IGF2R: variants seen among roughly 807,000 people sequenced by gnomAD.
IGF2R encodes the protein cation-independent mannose-6-phosphate receptor.
Under a neutral mutation model 270.6 loss-of-function variants are expected in IGF2R, and 91 were observed. The observed-to-expected ratio is 0.34, with a 90% CI of 0.28 to 0.40. The LOEUF is 0.40. Among genes scored for constraint, IGF2R ranks in the 10% least tolerant of loss-of-function variants. The probability of loss-of-function intolerance (pLI) is 1.00; values close to 1 mark genes in which losing one functional copy is unlikely to be tolerated. For missense variants in IGF2R, 2,805 were observed against 3,188.3 expected (o/e 0.88, Z 2.90); for synonymous variants, 1,316 against 1,258.9 (o/e 1.05, Z -0.96).
Position 160,033,090 on chromosome 6 carries a change from C to T in IGF2R, c.1194C>T (p.Tyr398=), listed in dbSNP as rs752971860. 39 of 1,612,566 alleles carry T rather than the reference C, an allele frequency of 2.4e-5. No homozygotes were observed. In the South Asian group the frequency reaches 4.3e-4, roughly 18 times the overall value. The change falls in exon 9 of 48, where the codon TAC becomes TAT. Residue 398 remains tyrosine, a synonymous_variant. Coordinates refer to ENST00000356956, the MANE Select transcript of IGF2R (RefSeq NM_000876.4). The part of the protein sequence containing the change: ...DTSQVKAAGR[Y]HNQTLRYSDG... ...CTCAAGTCAAAGCAGCAGGAAGATA[C>T]CACAATCAGACCCTCCGGTACGTCA...
chr6:160,079,935 C>T (rs1200009428), intron 38 of IGF2R, 148 bp downstream of exon 38: 10 of 985,976 alleles, frequency 1.0e-5, no homozygotes, highest in East Asian at 4.9e-5. Context: ...CCTCTGTACA[C>T]CCCCGGTGTG....
intron 43 of IGF2R, 80 bp from the exon 44 acceptor site, chr6:160,089,836 A>T (rs1779179871): frequency 1.0e-6 from 1 of 999,708 alleles, no homozygotes; most frequent in South Asian, 2.0e-5. Context: ...CCCTGCAGTG[A>T]TTCTGAGGAC....
At chr6:160,088,827 T>C (rs995147063) in intron 42 of IGF2R, among the ~76,000 whole-genome samples, 2 of 152,350 alleles carry the variant, frequency 1.3e-5, no homozygotes, top group South Asian at 2.1e-4. Flanking sequence ...ACATTACTGA[T>C]GTGTGCACCA....
At position 159,980,218 on chromosome 6, in the gene IGF2R, A is replaced by G. The variant is rs200380776; in HGVS notation, c.149+10823A>G. Among the ~76,000 whole-genome samples, 53 of 112,038 alleles carry G rather than the reference A, an allele frequency of 4.7e-4. 1 individual carries two copies. Among genetic ancestry groups the G allele is most frequent in the East Asian group, 3.8e-3 (6 of 1,562 alleles). 73.5% of individuals were successfully genotyped at this position (112,038 alleles called of 152,430 possible). The stretch of plus-strand genomic sequence containing the variant: ...AAGAAAGAAAGAAAGAAAGAAAGAA[A>G]GAAAGAAAGAAAGAAAGAAAGGTAC... On this transcript the variant is annotated intron_variant, in intron 1 of 47. Transcript: ENST00000356956.
At chr6:160,018,833 G>A (rs758481167) in intron 4 of IGF2R, among the ~76,000 whole-genome samples, 5 of 152,068 alleles carry the variant, frequency 3.3e-5, no homozygotes, top group Non-Finnish European at 7.4e-5. Context: ...TAAGTGGGAA[G>A]TTTATAGTGT....
chr6:160,090,733 A>G (rs1226518625), intron 44 of IGF2R, among the ~76,000 whole-genome samples: 1 of 152,260 alleles, frequency 6.6e-6, no homozygotes, highest in Non-Finnish European at 1.5e-5. Context: ...TTAAAAAAAA[A>G]TGAAGTGTGT....
At position 160,100,231 on chromosome 6, in the gene IGF2R, A is replaced by G. The variant is rs1583307493; in HGVS notation, c.6843-2288A>G. ...GTTGTCAAACTGGATTTCAAAAACA[A>G]CTCTGTTTACAGGGAACATGCCTAA... On this transcript the variant is annotated intron_variant, in intron 45 of 47. Transcript: ENST00000356956. Among the ~76,000 whole-genome samples, 6 of 152,254 alleles carry G rather than the reference A, an allele frequency of 3.9e-5. No homozygotes were observed. The South Asian group carries it at 1.2e-3, about 32-fold the overall frequency.
Position 160,045,820 on chromosome 6 carries a change from C to G in IGF2R, c.1841C>G (p.Ala614Gly), listed in dbSNP as rs770975694. 6.2e-7 allele frequency: 1 copy of G among 1,612,724 alleles called. No homozygotes were observed. Among genetic ancestry groups the G allele is most frequent in the Admixed American group, 1.7e-5 (1 of 59,916 alleles). Residue 614 changes from alanine to glycine, a missense_variant, in exon 14 of 48, where the codon GCT becomes GGT. Physicochemically the swap from Ala to Gly is moderately conservative, Grantham distance 60. Transcript: ENST00000356956. ...GCFYEFEWHT[A>G]AACVLSKTEG... Reference sequence around the variant, plus strand: ...TTTTATGAGTTTGAGTGGCACACAGCTGCGGCCTGTGTGCTGTCTAAGACA... The same window carrying G: ...TTTTATGAGTTTGAGTGGCACACAGGTGCGGCCTGTGTGCTGTCTAAGACA...
rs1197727579 is a variant in IGF2R at position 160,091,307 on chromosome 6, G to C, written c.6655+1204G>C. 3.0e-5 allele frequency among the ~76,000 whole-genome samples: 3 copies of C among 100,644 alleles called. No homozygotes were observed. The East Asian group carries it at 8.6e-4, about 29-fold the overall frequency. The allele number at this position is 100,644 out of a possible 152,430, so 66.0% of individuals were successfully genotyped here. ...CTGAGCGCATCGCCGAGAAGGAGCA[G>C]GTGCTCCGTGCCCTGGTGCTGAGCG... On this transcript the variant is annotated intron_variant, in intron 44 of 47. Coordinates refer to ENST00000356956, the MANE Select transcript of IGF2R (RefSeq NM_000876.4).
chr6:159,975,674 TTATATATATTTATATA>T (rs1458812040), intron 1 of IGF2R, among the ~76,000 whole-genome samples: 1 of 129,850 alleles, frequency 7.7e-6, no homozygotes, highest in African/African-American at 2.9e-5. Context: ...CATACATGTA[TTATATATATTTATATA>T]TATATATATA....
rs1057383802 is a variant in IGF2R, at chr6:160,110,528, A to G, written c.*5444A>G. On this transcript the variant is annotated 3_prime_UTR_variant, in exon 48 of 48. Coordinates refer to ENST00000356956, the MANE Select transcript of IGF2R (RefSeq NM_000876.4). The stretch of plus-strand genomic sequence containing the variant: ...TTATGGAAAACAGGAAGTTCCTGAA[A>G]AAATTAAGAACAGCTACCAGGAATC... The G allele has an allele frequency of 3.3e-5, 5 of 152,258 alleles. No homozygotes were observed. Among genetic ancestry groups the G allele is most frequent in the Admixed American group, 2.6e-4 (4 of 15,284 alleles). The allele number at this position is 152,258 out of a possible 1,614,324, so 9.4% of individuals were successfully genotyped here.
At chr6:160,078,674 C>T (rs191809060) in intron 37 of IGF2R, among the ~76,000 whole-genome samples, 20 of 152,254 alleles carry the variant, frequency 1.3e-4, no homozygotes, top group Admixed American at 6.5e-4. Context: ...TGGGGCAGCC[C>T]GGAGACATGA....
chr6:160,044,586 C>T lies in IGF2R; in HGVS notation c.1694C>T (p.Ser565Phe), dbSNP rs761237849. Residue 565 changes from serine (S) to phenylalanine (F), a missense_variant, in exon 13 of 48, where the codon TCT (serine) becomes TTT (phenylalanine). Physicochemically the swap from Ser to Phe is radical, Grantham distance 155. Transcript: ENST00000356956. Reference sequence around the variant, plus strand: ...AAAGAGAAAGGAAACATTCAACTCTCTTATTCAGATGGTGATGATTGTGGT... The same window carrying T: ...AAAGAGAAAGGAAACATTCAACTCTTTTATTCAGATGGTGATGATTGTGGT... ...PMKEKGNIQL[S>F]YSDGDDCGHG... The T allele has an allele frequency of 1.9e-6, 3 of 1,609,234 alleles. No homozygotes were observed. Among genetic ancestry groups the T allele is most frequent in the Non-Finnish European group, 2.6e-6 (3 of 1,176,136 alleles).
chr6:159,987,796 C>T (rs1405661774), intron 1 of IGF2R, among the ~76,000 whole-genome samples: 1 of 152,162 alleles, frequency 6.6e-6, no homozygotes, highest in Non-Finnish European at 1.5e-5. Flanking sequence ...CCTGCTGTGA[C>T]CATTCTTCAT....
At chr6:160,042,921 A>G (rs1394957034) in intron 11 of IGF2R, among the ~76,000 whole-genome samples, 1 of 151,968 alleles carries the variant, frequency 6.6e-6, no homozygotes, top group Admixed American at 6.6e-5. Context: ...CTTCTGAAGA[A>G]GTATTGGGAT....
intron 1 of IGF2R, among the ~76,000 whole-genome samples, chr6:159,974,925 G>A (rs1284134606): frequency 6.6e-6 from 1 of 152,122 alleles, no homozygotes; most frequent in Non-Finnish European, 1.5e-5. Flanking sequence ...TATATATGAT[G>A]TTTGAAGAAA....
intron 3 of IGF2R, 179 bp from the exon 4 acceptor site, chr6:160,010,508 T>G: frequency 1.9e-6 from 1 of 515,466 alleles, no homozygotes; most frequent in Non-Finnish European, 3.5e-6. Flanking sequence ...AGCTTTGGTC[T>G]CAGAATTTGC....
Position 160,095,640 on chromosome 6 carries a change from T to C in IGF2R, c.6656-799T>C, listed in dbSNP as rs1043087522. 4 of 152,348 alleles carry C rather than the reference T, an allele frequency of 2.6e-5. No individual in the cohort carries two copies. In the Middle Eastern group the frequency reaches 0.01, roughly 389 times the overall value. 9.4% of individuals were successfully genotyped at this position (152,348 alleles called of 1,614,324 possible). A position where few individuals can be genotyped will look rare whatever the true frequency, so the allele number is the denominator to read the frequency against. ...TTAGAAACAAGAGGTCTGGCACTAG[T>C]AGCACAACCTAAGGTGGCATTCCAA... On this transcript the variant is annotated intron_variant, in intron 44 of 47. Transcript: ENST00000356956.
At chr6:159,987,844 C>G (rs1783911915) in intron 1 of IGF2R, among the ~76,000 whole-genome samples, 1 of 152,140 alleles carries the variant, frequency 6.6e-6, no homozygotes, top group African/African-American at 2.4e-5. Context: ...ATATTGGTGC[C>G]TTCGCCTCAA....
Sources: gnomAD v4.1 joint callset for allele counts (sites outside exome capture counted in the v4.1 genomes callset) on GRCh38, gnomAD v4.1.1 for gene constraint, MANE v1.5 for transcripts, NCBI Gene and HGNC (gene_info 2026-07-23, HGNC 2026-07-21) for gene names.